The following THNSL1 variants were observed in gnomAD, a reference collection of about 807,000 sequenced individuals.
The protein encoded by THNSL1 is threonine synthase-like 1.
Under a neutral mutation model 50.4 loss-of-function variants are expected in THNSL1, and 48 were observed. That is an observed-to-expected ratio of 0.95 (90% CI 0.76 to 1.21). The LOEUF is 1.21. THNSL1 is among the 50% of genes most tolerant of loss of function. The pLI is 0.00. For synonymous variants in THNSL1, 309 were observed against 306.1 expected, an observed-to-expected ratio of 1.01 and a Z score of -0.10; for missense variants, 896 against 871.7, an observed-to-expected ratio of 1.03 and a Z score of -0.35.
At chr10:24,982,989 G>GA in the THNSL1 span, 1 of 152,130 alleles carries the variant, frequency 6.6e-6, no homozygotes, top group Non-Finnish European at 1.5e-5. Context: ...TACTGATTTT[G>GA]AATTATTTAA....
At chr10:25,004,209 G>T in the THNSL1 span, among the ~76,000 whole-genome samples, 1 of 152,088 alleles carries the variant, frequency 6.6e-6, no homozygotes, top group Admixed American at 6.5e-5. Context: ...CCATGTCTTT[G>T]CTACTGTGAA....
chr10:25,000,665 T>C, the THNSL1 span, among the ~76,000 whole-genome samples: 1 of 152,124 alleles, frequency 6.6e-6, no homozygotes, highest in Non-Finnish European at 1.5e-5. Flanking sequence ...TATATGTTTT[T>C]CCATTCTTGG....
At chr10:24,965,889 T>C in the THNSL1 span, among the ~76,000 whole-genome samples, 1 of 152,236 alleles carries the variant, frequency 6.6e-6, no homozygotes, top group East Asian at 1.9e-4. Context: ...CACAACCACC[T>C]GAAACCTGGT....
chr10:25,006,819 A>G, the THNSL1 span, among the ~76,000 whole-genome samples: 3 of 152,304 alleles, frequency 2.0e-5, no homozygotes, highest in African/African-American at 4.8e-5. Flanking sequence ...GAGCTTTGGT[A>G]TTAGATTTGT....
the THNSL1 span, among the ~76,000 whole-genome samples, chr10:24,952,797 G>A: frequency 5.9e-5 from 9 of 151,484 alleles, no homozygotes; most frequent in African/African-American, 1.9e-4. This position sits in a 1 kb window ranked among gnomAD's most constrained non-coding sequence, Gnocchi z 5.1. Context: ...CCGCGGGGGC[G>A]CGGGGAGCAG....
chr10:24,993,699 C>T, the THNSL1 span, among the ~76,000 whole-genome samples: 1 of 152,192 alleles, frequency 6.6e-6, no homozygotes, highest in East Asian at 1.9e-4. Flanking sequence ...ATTGCTTAGT[C>T]AGCAACACCA....
the THNSL1 span, among the ~76,000 whole-genome samples, chr10:24,959,721 A>G: frequency 1.3e-5 from 2 of 151,962 alleles, no homozygotes. Flanking sequence ...AAGGTGTTTT[A>G]TAAGTGTTTT....
chr10:25,018,814 A>T (rs1438538519), intron 1 of THNSL1, among the ~76,000 whole-genome samples: 17 of 152,198 alleles, frequency 1.1e-4, no homozygotes, highest in Non-Finnish European at 2.2e-4. Context: ...GTGGATACTA[A>T]AGTTTTCAAT....
In THNSL1 at chr10:25,024,772, G is replaced by T. The variant is rs1444932749; in HGVS notation, c.1549G>T (p.Ala517Ser). The T allele has an allele frequency of 6.2e-7, 1 of 1,614,076 alleles. No individual in the cohort carries two copies. The highest frequency in any genetic ancestry group is 1.3e-5 in the African/African-American group (1 of 74,934). The stretch of plus-strand genomic sequence containing the variant: ...AGGAAACTTTGGTAACATTTTAGCA[G>T]CAGTGTATGCCAAAATGATGGGAAT... ...PTGNFGNILA[A>S]VYAKMMGIPI... Residue 517 changes from alanine to serine, a missense_variant, in exon 3 of 3, where the codon GCA becomes TCA. By Grantham distance (99) the Ala-to-Ser change is moderately conservative (BLOSUM62 1). Transcript: ENST00000376356.
In THNSL1 at chr10:25,024,671, A is replaced by G. The variant is rs771043199; in HGVS notation, c.1448A>G (p.His483Arg). 1.2e-5 allele frequency: 19 copies of G among 1,614,120 alleles called. No individual in the cohort carries two copies. The East Asian group carries it at 3.3e-4, about 28-fold the overall frequency. The change falls in exon 3 of 3, where the codon CAT becomes CGT. Residue 483 changes from histidine (H) to arginine (R), a missense_variant. Transcript: ENST00000376356. ...WGRLLPQVVY[H>R]ASAYLDLVSQ... ...CGACTACTTCCGCAGGTAGTTTATC[A>G]TGCTTCCGCATATCTTGATCTTGTT...
the THNSL1 span, among the ~76,000 whole-genome samples, chr10:24,992,745 A>ACATC: frequency 6.6e-6 from 1 of 152,212 alleles, no homozygotes; most frequent in Non-Finnish European, 1.5e-5. Flanking sequence ...ATCACAGTGT[A>ACATC]ACTTAACCCA....
chr10:24,997,609 G>A, the THNSL1 span, among the ~76,000 whole-genome samples: 1 of 151,780 alleles, frequency 6.6e-6, no homozygotes. Flanking sequence ...GGCTGGTCTC[G>A]TACTCCTGGG....
chr10:24,997,444 T>C, the THNSL1 span, among the ~76,000 whole-genome samples: 1 of 150,974 alleles, frequency 6.6e-6, no homozygotes, highest in Non-Finnish European at 1.5e-5. Flanking sequence ...TGGAGTGCAG[T>C]GATGCAATCA....
the THNSL1 span, among the ~76,000 whole-genome samples, chr10:24,967,597 C>G: frequency 4.6e-5 from 7 of 152,142 alleles, 1 homozygote; most frequent in African/African-American, 1.4e-4. Context: ...TCCTGACCCT[C>G]CTTTATGCCT....
the THNSL1 span, among the ~76,000 whole-genome samples, chr10:24,977,778 A>G: frequency 1.3e-5 from 2 of 152,190 alleles, no homozygotes; most frequent in Non-Finnish European, 2.9e-5. Context: ...TTTTTATACA[A>G]TATTTATAGA....
At chr10:25,018,668 T>G (rs369750411) in intron 1 of THNSL1, among the ~76,000 whole-genome samples, 1,518 of 151,370 alleles carry the variant, frequency 0.01, 22 homozygotes, top group African/African-American at 0.034. Flanking sequence ...TGTTTTTTTT[T>G]TTTTTTTTTT....
At chr10:25,012,686 T>C (rs1361903499), upstream of THNSL1, among the ~76,000 whole-genome samples, 2 of 152,202 alleles carry the variant, frequency 1.3e-5, no homozygotes, top group South Asian at 2.1e-4. Flanking sequence ...TGGACCCCCA[T>C]TGTATCTGGG....
the THNSL1 span, among the ~76,000 whole-genome samples, chr10:24,974,167 A>G: frequency 6.6e-6 from 1 of 152,206 alleles, no homozygotes; most frequent in African/African-American, 2.4e-5. Flanking sequence ...GGCAGAAATC[A>G]AACACCATAA....
the THNSL1 span, among the ~76,000 whole-genome samples, chr10:24,961,351 T>C: frequency 6.6e-6 from 1 of 152,232 alleles, no homozygotes; most frequent in African/African-American, 2.4e-5. Context: ...AGTATAAGTA[T>C]ACTACTTCCA....
Sources: allele counts gnomAD v4.1 joint callset (sites outside exome capture counted in the v4.1 genomes callset), GRCh38; gene constraint gnomAD v4.1.1; non-coding constraint Gnocchi (gnomAD v3.1); transcripts MANE v1.5; gene names NCBI Gene and HGNC (gene_info 2026-07-23, HGNC 2026-07-21).